Variants in ANO6 observed in about 807,000 individuals in gnomAD.
ANO6 encodes the protein anoctamin-6.
ANO6 carries 106 observed loss-of-function variants against 117.5 expected under a neutral mutation model. That is an observed-to-expected ratio of 0.90 (90% CI 0.77 to 1.06). The LOEUF is 1.06. Among genes scored for constraint, ANO6 ranks in the 50% least tolerant of loss-of-function variants. The pLI is 0.00. For missense variants in ANO6, 955 were observed against 1,121.1 expected, an observed-to-expected ratio of 0.85 and a Z score of 2.12; for synonymous variants, 367 against 385.1, an observed-to-expected ratio of 0.95 and a Z score of 0.55.
intron 19 of ANO6, among the ~76,000 whole-genome samples, chr12:45,424,327 G>GGTTTTTT (rs1943439717): frequency 4.1e-4 from 33 of 81,268 alleles, no homozygotes; most frequent in African/African-American, 1.5e-3. Context: ...TAGGTGATGG[G>GGTTTTTT]TTTTTTTTTT....
chr12:45,326,248 TGG>T (rs1460961353), intron 2 of ANO6, among the ~76,000 whole-genome samples: 1 of 152,214 alleles, frequency 6.6e-6, no homozygotes, highest in Non-Finnish European at 1.5e-5. Context: ...CACAATCTAA[TGG>T]TATTTATAAG....
intron 1 of ANO6, among the ~76,000 whole-genome samples, chr12:45,252,651 C>A (rs1439402439): frequency 6.6e-6 from 1 of 152,138 alleles, no homozygotes; most frequent in Admixed American, 6.6e-5. Context: ...GTCTGTAAAG[C>A]ATTGTATTGT....
chr12:45,325,844 A>T (rs181030762), intron 2 of ANO6, among the ~76,000 whole-genome samples: 40 of 152,272 alleles, frequency 2.6e-4, no homozygotes, highest in African/African-American at 9.6e-4. Context: ...GGGTTTACGA[A>T]AAAGATTCAG....
intron 1 of ANO6, among the ~76,000 whole-genome samples, chr12:45,283,094 C>G (rs1045297796): frequency 6.6e-6 from 1 of 152,168 alleles, no homozygotes; most frequent in African/African-American, 2.4e-5. Context: ...ATTTTGGTGT[C>G]TCTCATAATG....
At chr12:45,217,500 A>G (rs1315519570) in intron 1 of ANO6, among the ~76,000 whole-genome samples, 2 of 152,260 alleles carry the variant, frequency 1.3e-5, no homozygotes, top group African/African-American at 4.8e-5. Flanking sequence ...TCCAGGGACA[A>G]ATCGAATAGA....
chr12:45,294,468 G>T (rs1939222943), intron 1 of ANO6, among the ~76,000 whole-genome samples: 2 of 152,150 alleles, frequency 1.3e-5, no homozygotes, highest in African/African-American at 4.8e-5. Context: ...TATCTTTGTT[G>T]AGAAGGGGGC....
chr12:45,283,710 A>G (rs773206120), intron 1 of ANO6, among the ~76,000 whole-genome samples: 6 of 152,194 alleles, frequency 3.9e-5, no homozygotes, highest in Non-Finnish European at 8.8e-5. Context: ...CAGTAGGTAA[A>G]GTCAGACAGG....
In ANO6 at chr12:45,429,422, C is replaced by T; in HGVS notation, c.*111C>T. The T allele has an allele frequency of 2.6e-6, 4 of 1,520,486 alleles. No individual in the cohort carries two copies. The highest frequency in any genetic ancestry group is 3.5e-6 in the Non-Finnish European group (4 of 1,138,736). The allele number at this position is 1,520,486 out of a possible 1,614,324, so 94.2% of individuals were successfully genotyped here. A position where few individuals can be genotyped will look rare whatever the true frequency, so the allele number is the denominator to read the frequency against. On this transcript the variant is annotated 3_prime_UTR_variant, in exon 20 of 20. Coordinates refer to ENST00000320560, the MANE Select transcript of ANO6 (RefSeq NM_001025356.3). ...TCACTTTGGCAAATATGAGTCTCAA[C>T]TATTGCCATTTCCTCATGTATTATT...
chr12:45,359,654 C>T (rs1349008636), intron 8 of ANO6, among the ~76,000 whole-genome samples: 1 of 152,210 alleles, frequency 6.6e-6, no homozygotes, highest in Non-Finnish European at 1.5e-5. Flanking sequence ...AAATAATACT[C>T]CATGTGTGTA....
chr12:45,226,210 T>G (rs536719812), intron 1 of ANO6, among the ~76,000 whole-genome samples: 29 of 152,318 alleles, frequency 1.9e-4, no homozygotes, highest in African/African-American at 6.7e-4. Context: ...TAGGCAACTT[T>G]CTCTGCCATG....
At chr12:45,362,120 T>A (rs376707592) in intron 8 of ANO6, among the ~76,000 whole-genome samples, 1 of 152,126 alleles carries the variant, frequency 6.6e-6, no homozygotes, top group Non-Finnish European at 1.5e-5. Context: ...GAGACTGGGC[T>A]TTTCTTTGCA....
intron 1 of ANO6, among the ~76,000 whole-genome samples, chr12:45,242,423 A>G (rs1947759776): frequency 6.6e-6 from 1 of 152,276 alleles, no homozygotes; most frequent in Non-Finnish European, 1.5e-5. Flanking sequence ...TGCTAAGACC[A>G]TGGGAAAAGC....
At chr12:45,429,010 C>G (rs1482600990) in intron 19 of ANO6, 95 bp from the exon 20 acceptor site, 1 of 1,467,040 alleles carries the variant, frequency 6.8e-7, no homozygotes, top group Non-Finnish European at 9.3e-7. Flanking sequence ...CTGCCTTGTC[C>G]AGATAAACTG....
Position 45,296,010 on chromosome 12 carries a change from A to T in ANO6, c.71-6004A>T, listed in dbSNP as rs187126105. Among the ~76,000 whole-genome samples, 95 of 151,880 alleles carry T rather than the reference A, an allele frequency of 6.3e-4. 1 individual carries two copies. The East Asian group carries it at 0.018, about 29-fold the overall frequency. ...TGAGTAGCTGGGACTACAGGCATGC[A>T]CCACTATGCCCAGCTAATTTTTGTA... is the stretch of plus-strand genomic sequence containing the variant. On this transcript the variant is annotated intron_variant, in intron 1 of 19. Transcript: ENST00000320560.
At chr12:45,410,502 T>C (rs1385322145) in intron 16 of ANO6, among the ~76,000 whole-genome samples, 1 of 152,234 alleles carries the variant, frequency 6.6e-6, no homozygotes, top group Non-Finnish European at 1.5e-5. Flanking sequence ...AACGGAAGCA[T>C]CTCAAAATAG....
chr12:45,431,576 A>G lies in ANO6; in HGVS notation c.*2265A>G. The G allele has an allele frequency of 1.0e-6, 1 of 985,476 alleles. No individual in the cohort carries two copies. Among genetic ancestry groups the G allele is most frequent in the Non-Finnish European group, 1.2e-6 (1 of 829,942 alleles). 61.0% of individuals were successfully genotyped at this position (985,476 alleles called of 1,614,324 possible). A position where few individuals can be genotyped will look rare whatever the true frequency, so the allele number is the denominator to read the frequency against. On this transcript the variant is annotated 3_prime_UTR_variant, in exon 20 of 20. Coordinates refer to ENST00000320560, the MANE Select transcript of ANO6 (RefSeq NM_001025356.3). ...CATATTGAAAGGCACCAAATGTAAT[A>G]TCTGACACTGTTAAGATGCCCAAAA...
Position 45,429,478 on chromosome 12 carries a change from G to A in ANO6, c.*167G>A. On this transcript the variant is annotated 3_prime_UTR_variant, in exon 20 of 20. Transcript: ENST00000320560. ...GTTTCAGCTAGCGATGCAGAAACTG[G>A]AAAATGTAAAACTTAGATCATGAAG... 1.4e-6 allele frequency: 2 copies of A among 1,447,312 alleles called. No homozygotes were observed. Among genetic ancestry groups the A allele is most frequent in the Admixed American group, 5.2e-5 (2 of 38,568 alleles). The allele number at this position is 1,447,312 out of a possible 1,614,324, so 89.7% of individuals were successfully genotyped here.
chr12:45,438,130 A>G (rs1010656726), intron 19 of ANO6, among the ~76,000 whole-genome samples: 2 of 152,046 alleles, frequency 1.3e-5, no homozygotes, highest in Admixed American at 1.3e-4. Context: ...ATCCTGCCCA[A>G]TGCCCACTGA....
chr12:45,226,094 G>T (rs1186148092), intron 1 of ANO6, among the ~76,000 whole-genome samples: 2 of 152,264 alleles, frequency 1.3e-5, no homozygotes, highest in Admixed American at 6.5e-5. Context: ...AGATGAGTAT[G>T]TCAACAATAG....
Sources: allele counts gnomAD v4.1 joint callset (sites outside exome capture counted in the v4.1 genomes callset), GRCh38; gene constraint gnomAD v4.1.1; transcripts MANE v1.5; gene names NCBI Gene and HGNC (gene_info 2026-07-23, HGNC 2026-07-21).